DOK7: variants seen among roughly 807,000 people sequenced by gnomAD.
DOK7 encodes the protein protein Dok-7.
A neutral mutation model predicts 30.7 loss-of-function variants in DOK7; 32 were observed. That is an observed-to-expected ratio of 1.04 (90% CI 0.79 to 1.40). The LOEUF is 1.40. Among genes scored for constraint, DOK7 ranks in the 40% most tolerant of loss-of-function variants. The probability of loss-of-function intolerance (pLI) is 0.00; values close to 1 mark genes in which losing one functional copy is unlikely to be tolerated. For synonymous variants in DOK7, 447 were observed against 324.1 expected, an observed-to-expected ratio of 1.38 and a Z score of -4.07; for missense variants, 1,007 against 699.2, an observed-to-expected ratio of 1.44 and a Z score of -4.97.
downstream of DOK7, among the ~76,000 whole-genome samples, chr4:3,498,560 C>A (rs1378888482): frequency 6.6e-6 from 1 of 152,224 alleles, no homozygotes; most frequent in African/African-American, 2.4e-5. Context: ...TCAAGGCCCC[C>A]TTTCCAGACG....
In DOK7 at chr4:3,473,583, G is replaced by A. The variant is rs1225681847; in HGVS notation, c.278G>A (p.Ser93Asn). 1 of 1,608,342 alleles carries A rather than the reference G, an allele frequency of 6.2e-7. No homozygotes were observed. Among genetic ancestry groups the A allele is most frequent in the South Asian group, 1.1e-5 (1 of 90,866 alleles). ...CAGGCCATCATGCTGGGCTTTGACA[G>A]CCACGAGGCCATGTGTGCGTGGGAT... ...LSQAIMLGFD[S>N]HEAMCAWDAR... is the part of the protein sequence containing the mutation. Residue 93 changes from serine (S) to asparagine (N), a missense_variant, in exon 3 of 7, where the codon AGC becomes AAC. Transcript: ENST00000340083.
intron 6 of DOK7, among the ~76,000 whole-genome samples, chr4:3,499,701 G>A (rs979228064): frequency 5.9e-5 from 9 of 152,086 alleles, no homozygotes; most frequent in Admixed American, 4.6e-4. Flanking sequence ...GCACCTGGGT[G>A]TCCTGGAGGG....
downstream of DOK7, among the ~76,000 whole-genome samples, chr4:3,495,555 G>A (rs531263517): frequency 4.6e-5 from 7 of 152,368 alleles, no homozygotes; most frequent in African/African-American, 1.2e-4. Context: ...CGCTCCGGGC[G>A]TCTGAAGGTT....
downstream of DOK7, among the ~76,000 whole-genome samples, chr4:3,497,030 G>A (rs1342571600): frequency 3.9e-5 from 6 of 151,910 alleles, no homozygotes; most frequent in Non-Finnish European, 7.4e-5. Context: ...GGCTGACAGT[G>A]GATGTTGGGT....
intron 6 of DOK7, 58 bp from the exon 7 acceptor site, chr4:3,492,701 A>C: frequency 6.2e-7 from 1 of 1,600,398 alleles, no homozygotes; most frequent in Non-Finnish European, 8.5e-7. Flanking sequence ...GGCATCAGCC[A>C]CGTCCTGCCC....
Position 3,493,141 on chromosome 4 carries a change from G to A in DOK7, c.1155G>A (p.Leu385=), listed in dbSNP as rs746246767. The A allele has an allele frequency of 2.5e-6, 4 of 1,601,680 alleles. No individual in the cohort carries two copies. The highest frequency in any genetic ancestry group is 3.4e-6 in the Non-Finnish European group (4 of 1,176,044). ...LPAAGAPEPS[L]CTCLPGTVEY... The stretch of plus-strand genomic sequence containing the variant: ...CAGCGGGGGCCCCCGAGCCCAGCCT[G>A]TGCACCTGCCTGCCCGGGACAGTCG... The change falls in exon 7 of 7, where the codon CTG becomes CTA. Residue 385 remains leucine, a synonymous_variant. Coordinates refer to ENST00000340083, the MANE Select transcript of DOK7 (RefSeq NM_173660.5).
intron 3 of DOK7, among the ~76,000 whole-genome samples, chr4:3,473,933 C>A (rs1028593768): frequency 3.3e-5 from 5 of 152,188 alleles, no homozygotes; most frequent in Non-Finnish European, 7.4e-5. Context: ...CAAAGCCCTG[C>A]CCTTTGCTTC....
chr4:3,499,894 T>G (rs1577193271), intron 6 of DOK7, among the ~76,000 whole-genome samples: 2 of 141,514 alleles, frequency 1.4e-5, no homozygotes, highest in African/African-American at 5.3e-5. Context: ...GGGCGGTTGG[T>G]GGAGAGAGTT....
Position 3,494,441 on chromosome 4 carries a change from A to G in DOK7, c.*940A>G. On this transcript the variant is annotated 3_prime_UTR_variant, in exon 7 of 7. Transcript: ENST00000340083. Reference sequence around the variant, plus strand: ...CACTGTCAGCTGTTTCTAAACCCAGACACTGTTTGTAATAGACTGGAAATA... The same window carrying G: ...CACTGTCAGCTGTTTCTAAACCCAGGCACTGTTTGTAATAGACTGGAAATA... The G allele has an allele frequency of 2.0e-6, 2 of 985,470 alleles. No individual in the cohort carries two copies. The highest frequency in any genetic ancestry group is 2.4e-6 in the Non-Finnish European group (2 of 830,050). 61.0% of individuals were successfully genotyped at this position (985,470 alleles called of 1,614,324 possible).
In DOK7 at chr4:3,500,670, G is replaced by C. The variant is rs1200289198; in HGVS notation, c.1262-22G>C. ...TGGGTGGCTCGGGGCGCAGGCTGCC[G>C]CTCACTACAGAATTCTTTCAGGGGC... On this transcript the variant is annotated intron_variant, in intron 7 of 7. Transcript: ENST00000643608. 4 of 1,535,740 alleles carry C rather than the reference G, an allele frequency of 2.6e-6. No individual in the cohort carries two copies. In the African/African-American group the frequency reaches 5.5e-5, roughly 21 times the overall value.
downstream of DOK7, among the ~76,000 whole-genome samples, chr4:3,498,883 T>G (rs933945927): frequency 6.6e-6 from 1 of 152,194 alleles, no homozygotes; most frequent in East Asian, 1.9e-4. Context: ...GTTGCTTTAG[T>G]TCATGGAATC....
intron 5 of DOK7, among the ~76,000 whole-genome samples, chr4:3,489,119 G>A (rs889561373): frequency 6.6e-6 from 1 of 152,206 alleles, no homozygotes; most frequent in African/African-American, 2.4e-5. Context: ...ATGCAGCCCT[G>A]AGGGGAGGGG....
chr4:3,484,501 GCCAGCCGGAGTGT>G, intron 4 of DOK7: 1 of 985,470 alleles, frequency 1.0e-6, no homozygotes, highest in South Asian at 4.7e-5. Flanking sequence ...GTGAGGTGAC[GCCAGCCGGAGTGT>G]CCAGCCGGGT....
chr4:3,491,287 G>C (rs78108551), intron 6 of DOK7, among the ~76,000 whole-genome samples: 113 of 60,508 alleles, frequency 1.9e-3, no homozygotes, highest in Admixed American at 2.8e-3. Flanking sequence ...TCCTTCCTCC[G>C]CCCCCCCGCT....
intron 5 of DOK7, among the ~76,000 whole-genome samples, chr4:3,486,923 C>A (rs1727839917): frequency 6.6e-6 from 1 of 152,078 alleles, no homozygotes; most frequent in South Asian, 2.1e-4. Flanking sequence ...TCAGGCAGTT[C>A]CCGGGGAGCA....
intron 4 of DOK7, among the ~76,000 whole-genome samples, chr4:3,484,110 G>A (rs1327687689): frequency 2.6e-5 from 4 of 152,250 alleles, no homozygotes; most frequent in African/African-American, 9.6e-5. Flanking sequence ...TCGTGGCTGT[G>A]TGATGGTGGA....
intron 4 of DOK7, among the ~76,000 whole-genome samples, chr4:3,479,985 TG>T (rs1727346082): frequency 6.6e-6 from 1 of 152,212 alleles, no homozygotes; most frequent in African/African-American, 2.4e-5. Context: ...GGCAAGTGAC[TG>T]GGCCCCGCCT....
chr4:3,490,422 C>CTG (rs1267087396), intron 6 of DOK7, among the ~76,000 whole-genome samples: 1 of 23,342 alleles, frequency 4.3e-5, no homozygotes, highest in African/African-American at 1.5e-4. Context: ...CCCCACCGCC[C>CTG]CGCTCATTCA....
chr4:3,474,167 G>A (rs1334326443), intron 3 of DOK7, among the ~76,000 whole-genome samples: 1 of 152,166 alleles, frequency 6.6e-6, no homozygotes, highest in East Asian at 1.9e-4. Context: ...GGCCTCTGGG[G>A]GCTGAGCTGC....
Sources: gnomAD v4.1 joint callset for allele counts (sites outside exome capture counted in the v4.1 genomes callset) on GRCh38, gnomAD v4.1.1 for gene constraint, MANE v1.5 for transcripts, NCBI Gene and HGNC (gene_info 2026-07-23, HGNC 2026-07-21) for gene names.